RB1: variants seen among roughly 807,000 people sequenced by gnomAD.
RB1 encodes the protein retinoblastoma-associated protein.
A neutral mutation model predicts 135.4 loss-of-function variants in RB1; 18 were observed. The ratio of observed to expected loss-of-function variants is 0.13; its 90% CI spans 0.09 to 0.20. The LOEUF (loss-of-function observed/expected upper bound fraction) is 0.20. Among genes scored for constraint, RB1 ranks in the 10% least tolerant of loss-of-function variants. The pLI is 1.00. For synonymous variants in RB1, 365 were observed against 373.2 expected (o/e 0.98, Z 0.25); for missense variants, 868 against 1,110.0 (o/e 0.78, Z 3.10).
At chr13:48,315,150 T>C (rs1039818724) in intron 2 of RB1, among the ~76,000 whole-genome samples, 2 of 152,246 alleles carry the variant, frequency 1.3e-5, no homozygotes, top group Admixed American at 6.5e-5. Context: ...TTTAATGATA[T>C]TGATTCTTCT....
At chr13:48,357,838 T>G (rs1357475625) in intron 6 of RB1, among the ~76,000 whole-genome samples, 1 of 152,132 alleles carries the variant, frequency 6.6e-6, no homozygotes, top group Non-Finnish European at 1.5e-5. Context: ...CAGTTAGTTA[T>G]TTATTAGAAT....
chr13:48,474,923 C>G (rs4151620), intron 24 of RB1, among the ~76,000 whole-genome samples: 16,485 of 152,040 alleles, frequency 0.11, 1,027 homozygotes, highest in Admixed American at 0.17. Context: ...TTTTTAGAGA[C>G]AGTGTCTCAC....
chr13:48,414,675 GTGT>G (rs1488070522), intron 17 of RB1, among the ~76,000 whole-genome samples: 1 of 151,912 alleles, frequency 6.6e-6, no homozygotes, highest in East Asian at 1.9e-4. Flanking sequence ...AAAATGTTTT[GTGT>G]TGTTTTGCAC....
intron 2 of RB1, among the ~76,000 whole-genome samples, chr13:48,336,792 G>C (rs1235617085): frequency 4.9e-4 from 75 of 151,758 alleles, no homozygotes; most frequent in Non-Finnish European, 9.7e-4. Flanking sequence ...AATTTTGGAT[G>C]TTTCCTGCTT....
At chr13:48,384,597 A>C (rs748565099) in intron 17 of RB1, among the ~76,000 whole-genome samples, 2 of 152,200 alleles carry the variant, frequency 1.3e-5, no homozygotes, top group Non-Finnish European at 2.9e-5. Context: ...TCTGTGTCAT[A>C]ATAAAAAATT....
intron 2 of RB1, among the ~76,000 whole-genome samples, chr13:48,337,411 T>G (rs139120367): frequency 6.6e-6 from 1 of 152,218 alleles, no homozygotes; most frequent in Non-Finnish European, 1.5e-5. Context: ...TCTTGTTGAA[T>G]TGATCCCTTT....
chr13:48,409,564 T>C (rs1948772141), intron 17 of RB1, among the ~76,000 whole-genome samples: 2 of 140,736 alleles, frequency 1.4e-5, no homozygotes, highest in Non-Finnish European at 3.1e-5. Context: ...TTTGGAGAAC[T>C]GCTTGATTTT....
At chr13:48,345,310 T>C in intron 4 of RB1, 111 bp downstream of exon 4, 2 of 1,257,766 alleles carry the variant, frequency 1.6e-6, no homozygotes, top group Non-Finnish European at 1.1e-6. Context: ...TATTAATTCT[T>C]AGACTTGTCC....
chr13:48,380,902 A>C (rs1223351699), intron 16 of RB1, among the ~76,000 whole-genome samples: 1 of 152,186 alleles, frequency 6.6e-6, no homozygotes, highest in African/African-American at 2.4e-5. Context: ...AGAATCTTGA[A>C]GAATCTGTCT....
rs753520981 is a variant in RB1, at chr13:48,380,207, G to C, written c.1464G>C (p.Ala488=). Residue 488 remains alanine, a synonymous_variant, in exon 16 of 27, where the codon GCG becomes GCC. Coordinates refer to ENST00000267163, the MANE Select transcript of RB1 (RefSeq NM_000321.3). The stretch of plus-strand genomic sequence containing the variant: ...ACATTTTTCATATGTCTTTATTGGC[G>C]TGCGCTCTTGAGGTTGTAATGGCCA... The part of the protein sequence containing the change: ...NDNIFHMSLL[A]CALEVVMATY... 6.2e-7 allele frequency: 1 copy of C among 1,603,190 alleles called. No individual in the cohort carries two copies. Among genetic ancestry groups the C allele is most frequent in the Admixed American group, 1.7e-5 (1 of 59,416 alleles).
At chr13:48,323,848 T>C (rs1952262327) in intron 2 of RB1, among the ~76,000 whole-genome samples, 1 of 152,114 alleles carries the variant, frequency 6.6e-6, no homozygotes, top group Non-Finnish European at 1.5e-5. Flanking sequence ...ACTATGAATC[T>C]TATAATTGTT....
intron 5 of RB1, among the ~76,000 whole-genome samples, chr13:48,348,489 C>T (rs1049653435): frequency 6.6e-6 from 1 of 151,760 alleles, no homozygotes; most frequent in Non-Finnish European, 1.5e-5. Context: ...AAACTAAAGT[C>T]ATCCAAACCT....
At chr13:48,308,933 CTTA>C (rs1952109202) in intron 2 of RB1, among the ~76,000 whole-genome samples, 1 of 151,846 alleles carries the variant, frequency 6.6e-6, no homozygotes, top group Non-Finnish European at 1.5e-5. Flanking sequence ...TGAGCATTTT[CTTA>C]TTAAAGTTTT....
At chr13:48,356,016 A>G (rs1952586776) in intron 6 of RB1, among the ~76,000 whole-genome samples, 1 of 152,058 alleles carries the variant, frequency 6.6e-6, no homozygotes, top group African/African-American at 2.4e-5. Flanking sequence ...GGGTGACTTT[A>G]GTCAATAATA....
At chr13:48,458,991 T>A (rs915602769) in intron 19 of RB1, among the ~76,000 whole-genome samples, 2 of 152,138 alleles carry the variant, frequency 1.3e-5, no homozygotes, top group Non-Finnish European at 2.9e-5. Context: ...TTATATAATT[T>A]AAAAAAATGA....
chr13:48,430,980 T>A (rs1949124228), intron 17 of RB1, among the ~76,000 whole-genome samples: 2 of 152,060 alleles, frequency 1.3e-5, no homozygotes, highest in Admixed American at 1.3e-4. Context: ...TTATATAAAA[T>A]CTAGTGTTTA....
chr13:48,346,370 ATG>A (rs61503219), intron 4 of RB1, among the ~76,000 whole-genome samples: 53,370 of 130,464 alleles, frequency 0.41, 12,315 homozygotes, highest in Non-Finnish European at 0.54. Flanking sequence ...TATTATATAT[ATG>A]TGTGTGTGTG....
chr13:48,333,586 ATG>A (rs1275246731), intron 2 of RB1, among the ~76,000 whole-genome samples: 1 of 151,690 alleles, frequency 6.6e-6, no homozygotes, highest in Admixed American at 6.6e-5. Context: ...GTGTGTGTGT[ATG>A]TGTGTGTGTT....
At chr13:48,308,906 C>G (rs1429365368) in intron 2 of RB1, among the ~76,000 whole-genome samples, 1 of 151,858 alleles carries the variant, frequency 6.6e-6, no homozygotes, top group Non-Finnish European at 1.5e-5. Context: ...TTTGTATTTT[C>G]CTGTTTTTTT....
Sources: allele counts gnomAD v4.1 joint callset (sites outside exome capture counted in the v4.1 genomes callset), GRCh38; gene constraint gnomAD v4.1.1; transcripts MANE v1.5; gene names NCBI Gene and HGNC (gene_info 2026-07-23, HGNC 2026-07-21).